AGBL4: variants seen among roughly 807,000 people sequenced by gnomAD.
AGBL4 encodes cytosolic carboxypeptidase 6.
A neutral mutation model predicts 66.4 loss-of-function variants in AGBL4; 58 were observed. That is an observed-to-expected ratio of 0.87 (90% CI 0.71 to 1.09). The LOEUF is 1.09. AGBL4 is among the 50% of genes least tolerant of loss of function. The pLI is 0.00. For missense variants in AGBL4, 579 were observed against 631.0 expected (o/e 0.92, Z 0.88); for synonymous variants, 234 against 222.9 (o/e 1.05, Z -0.44).
intron 1 of AGBL4, among the ~76,000 whole-genome samples, chr1:49,882,523 T>C (rs1484774545): frequency 1.3e-5 from 2 of 152,116 alleles, no homozygotes; most frequent in Non-Finnish European, 2.9e-5. Flanking sequence ...CCCATGAGCA[T>C]GGAATGTTCT....
At chr1:49,049,235 C>T (rs2147883672) in intron 4 of AGBL4, among the ~76,000 whole-genome samples, 1 of 152,214 alleles carries the variant, frequency 6.6e-6, no homozygotes, top group African/African-American at 2.4e-5. Context: ...ATCTTGCATA[C>T]TTGGTGAATT....
Position 49,505,769 on chromosome 1 carries a change from C to T in AGBL4, c.282+191544G>A, listed in dbSNP as rs1558004200. Among the ~76,000 whole-genome samples the T allele has an allele frequency of 2.0e-5, 3 of 151,710 alleles. No homozygotes were observed. The East Asian group carries it at 5.8e-4, about 29-fold the overall frequency. On this transcript the variant is annotated intron_variant, in intron 3 of 13. Transcript: ENST00000371839. ...TCTTTTCTGTATCTGGATATATATA[C>T]ATCTTTCCCTGGATTTGGAATATTT...
chr1:49,412,450 C>A (rs1056572920), intron 3 of AGBL4, among the ~76,000 whole-genome samples: 1 of 152,164 alleles, frequency 6.6e-6, no homozygotes, highest in Non-Finnish European at 1.5e-5. Flanking sequence ...AATCCCATCA[C>A]ATTGAGGGTT....
intron 2 of AGBL4, among the ~76,000 whole-genome samples, chr1:49,832,541 T>G (rs1386899307): frequency 2.0e-5 from 3 of 151,812 alleles, no homozygotes; most frequent in Non-Finnish European, 4.4e-5. Flanking sequence ...CAAATGGTAT[T>G]TCTAGTTCTA....
intron 1 of AGBL4, among the ~76,000 whole-genome samples, chr1:49,856,862 T>C (rs1646446866): frequency 6.6e-6 from 1 of 152,032 alleles, no homozygotes; most frequent in African/African-American, 2.4e-5. Flanking sequence ...AACATGGTAC[T>C]GGATGTTCTA....
rs200284926 is a variant in AGBL4 at position 49,505,210 on chromosome 1, GT to G, written c.282+192102del. Reference sequence around the variant, plus strand: ...TCCCTTAAAAAGTATTGTAGCTATTGTTTTTACTAGTTTTGTCTTTTAACCT... The same window carrying G: ...TCCCTTAAAAAGTATTGTAGCTATTGTTTTACTAGTTTTGTCTTTTAACCT... On this transcript the variant is annotated intron_variant, in intron 3 of 13. Coordinates refer to ENST00000371839, the MANE Select transcript of AGBL4 (RefSeq NM_032785.4). Among the ~76,000 whole-genome samples the G allele has an allele frequency of 8.0e-3, 1,209 of 151,924 alleles. 49 individuals carry two copies. The highest frequency in any genetic ancestry group is 0.059 in the Admixed American group (898 of 15,248).
intron 11 of AGBL4, among the ~76,000 whole-genome samples, chr1:48,550,021 G>A (rs1384690586): frequency 1.3e-5 from 2 of 152,126 alleles, no homozygotes; most frequent in Admixed American, 1.3e-4. Flanking sequence ...TTTTTGATGG[G>A]TGAAATGCAA....
intron 4 of AGBL4, among the ~76,000 whole-genome samples, chr1:49,233,996 A>G (rs1650523874): frequency 6.6e-6 from 1 of 152,182 alleles, no homozygotes; most frequent in Non-Finnish European, 1.5e-5. Flanking sequence ...ACATTTTCCC[A>G]TCTGGCTGGC....
chr1:48,783,417 G>A (rs756921680), intron 6 of AGBL4, among the ~76,000 whole-genome samples: 1 of 152,158 alleles, frequency 6.6e-6, no homozygotes, highest in Non-Finnish European at 1.5e-5. Context: ...GTTGGGTACA[G>A]GCTTAAAGGC....
At chr1:48,910,873 C>T (rs1653030675) in intron 5 of AGBL4, among the ~76,000 whole-genome samples, 1 of 152,182 alleles carries the variant, frequency 6.6e-6, no homozygotes, top group Admixed American at 6.5e-5. Flanking sequence ...ATCTATACCA[C>T]ATTAGTAAAA....
intron 4 of AGBL4, among the ~76,000 whole-genome samples, chr1:49,105,236 C>T (rs913506802): frequency 5.3e-5 from 8 of 152,238 alleles, no homozygotes; most frequent in South Asian, 2.1e-4. Flanking sequence ...CGCAGTGAAA[C>T]GGAACTGTAG....
intron 4 of AGBL4, among the ~76,000 whole-genome samples, chr1:49,198,163 T>G (rs1420351551): frequency 6.6e-6 from 1 of 152,056 alleles, no homozygotes; most frequent in Non-Finnish European, 1.5e-5. Flanking sequence ...AGAGGGATAC[T>G]CACACTCCCT....
chr1:49,304,306 C>T (rs1644810390), intron 3 of AGBL4, among the ~76,000 whole-genome samples: 1 of 152,136 alleles, frequency 6.6e-6, no homozygotes, highest in African/African-American at 2.4e-5. Flanking sequence ...TCTGAGATCT[C>T]TATTCTGTTC....
At chr1:48,570,754 T>G (rs970856022) in intron 11 of AGBL4, among the ~76,000 whole-genome samples, 1 of 152,178 alleles carries the variant, frequency 6.6e-6, no homozygotes, top group Non-Finnish European at 1.5e-5. Context: ...AGACATCCAC[T>G]CGCACATACT....
chr1:49,391,770 C>G (rs1223828938), intron 3 of AGBL4, among the ~76,000 whole-genome samples: 1 of 151,916 alleles, frequency 6.6e-6, no homozygotes, highest in Non-Finnish European at 1.5e-5. Context: ...ACTGTGTTAG[C>G]CAGGATGGTC....
At chr1:48,754,242 T>C (rs1348401748) in intron 6 of AGBL4, among the ~76,000 whole-genome samples, 1 of 152,162 alleles carries the variant, frequency 6.6e-6, no homozygotes, top group East Asian at 1.9e-4. Flanking sequence ...TTCTCACACA[T>C]GGGGGCTTAC....
chr1:49,563,994 A>T lies in AGBL4; in HGVS notation c.282+133319T>A, dbSNP rs915850460. Among the ~76,000 whole-genome samples the T allele has an allele frequency of 2.6e-4, 39 of 152,176 alleles. 1 individual carries two copies. The highest frequency in any genetic ancestry group is 9.2e-4 in the African/African-American group (38 of 41,510). On this transcript the variant is annotated intron_variant, in intron 3 of 13. Coordinates refer to ENST00000371839, the MANE Select transcript of AGBL4 (RefSeq NM_032785.4). ...TATTGCCTCAATTTCAGAGCCTGTTATTGGTCTATTAAGGGATTCAACTTC... is the reference window on the plus strand; with the variant it reads ...TATTGCCTCAATTTCAGAGCCTGTTTTTGGTCTATTAAGGGATTCAACTTC...
At chr1:49,870,617 AAAG>A (rs1010477155) in intron 1 of AGBL4, among the ~76,000 whole-genome samples, 1 of 151,782 alleles carries the variant, frequency 6.6e-6, no homozygotes, top group African/African-American at 2.4e-5. Context: ...TGAATAATAG[AAAG>A]AAGAACTATC....
At chr1:49,274,739 C>A (rs937014569) in intron 3 of AGBL4, among the ~76,000 whole-genome samples, 3 of 151,938 alleles carry the variant, frequency 2.0e-5, no homozygotes, top group Non-Finnish European at 4.4e-5. Flanking sequence ...TAAAAAATTC[C>A]AGGACTCTAA....
Sources: allele counts gnomAD v4.1 joint callset (sites outside exome capture counted in the v4.1 genomes callset), GRCh38; gene constraint gnomAD v4.1.1; transcripts MANE v1.5; gene names NCBI Gene and HGNC (gene_info 2026-07-23, HGNC 2026-07-21).